MPPED1: variants seen among roughly 807,000 people sequenced by gnomAD.
The protein encoded by MPPED1 is metallophosphoesterase domain containing 1.
MPPED1 carries 16 observed loss-of-function variants against 36.2 expected under a neutral mutation model. That is an observed-to-expected ratio of 0.44 (90% confidence interval 0.30 to 0.67). The LOEUF (loss-of-function observed/expected upper bound fraction) is 0.67, where lower values mean the gene tolerates loss of function less well. MPPED1 is among the 30% of genes least tolerant of loss of function. The pLI, the probability that MPPED1 is intolerant of heterozygous loss-of-function variation, is 0.10. For missense variants in MPPED1, 307 were observed against 453.4 expected (o/e 0.68, Z 2.93); for synonymous variants, 199 against 191.3 (o/e 1.04, Z -0.33).
chr22:43,432,571 G>GGAGGAGAGAGAGAGAAAGA (rs1929756924), intron 2 of MPPED1, among the ~76,000 whole-genome samples: 1 of 99,616 alleles, frequency 1.0e-5, no homozygotes, highest in Admixed American at 9.9e-5. Context: ...AGAGAGAAAG[G>GGAGGAGAGAGAGAGAAAGA]GAGGAGAGAG....
chr22:43,477,302 C>A (rs1274927201), intron 4 of MPPED1, among the ~76,000 whole-genome samples: 1 of 152,228 alleles, frequency 6.6e-6, no homozygotes, highest in Non-Finnish European at 1.5e-5. Flanking sequence ...AGCTGGTGCT[C>A]CTCCTGTTCC....
At chr22:43,415,214 A>C (rs574204527) in intron 1 of MPPED1, among the ~76,000 whole-genome samples, 1 of 137,900 alleles carries the variant, frequency 7.3e-6, no homozygotes, top group African/African-American at 2.5e-5. Flanking sequence ...AGGTGACTAA[A>C]ATGTCAAAAG....
chr22:43,492,520 T>C (rs984813815), intron 4 of MPPED1, among the ~76,000 whole-genome samples: 4 of 152,160 alleles, frequency 2.6e-5, no homozygotes, highest in Non-Finnish European at 5.9e-5. Context: ...GGGCACTGCC[T>C]GTGGGTGGGG....
intron 1 of MPPED1, among the ~76,000 whole-genome samples, chr22:43,415,564 C>T (rs905183796): frequency 1.3e-5 from 2 of 152,136 alleles, no homozygotes; most frequent in African/African-American, 4.8e-5. Context: ...TGAGGTGTTC[C>T]GTGGCCTTTT....
At chr22:43,470,641 A>G (rs1601989512) in intron 3 of MPPED1, among the ~76,000 whole-genome samples, 2 of 152,166 alleles carry the variant, frequency 1.3e-5, no homozygotes, top group Non-Finnish European at 2.9e-5. Flanking sequence ...TGCAGAGTAC[A>G]CCTCAGGATA....
intron 2 of MPPED1, among the ~76,000 whole-genome samples, chr22:43,432,884 A>G (rs1179700585): frequency 3.2e-5 from 3 of 95,186 alleles, no homozygotes; most frequent in Admixed American, 1.2e-4. Flanking sequence ...AGAGGGAAAG[A>G]GAAAGGGAGG....
chr22:43,498,156 C>T (rs999750838), intron 4 of MPPED1, 79 bp from the exon 5 acceptor site: 1 of 1,162,802 alleles, frequency 8.6e-7, no homozygotes, highest in Non-Finnish European at 1.2e-6. Context: ...GCCCCCTGGC[C>T]CGTGGGGAGC....
At chr22:43,424,409 C>A (rs2061861771) in intron 1 of MPPED1, among the ~76,000 whole-genome samples, 1 of 152,128 alleles carries the variant, frequency 6.6e-6, no homozygotes, top group Non-Finnish European at 1.5e-5. Flanking sequence ...TCCACCTGCT[C>A]AGGCTTGCAG....
chr22:43,484,467 T>G (rs1001025888), intron 4 of MPPED1, among the ~76,000 whole-genome samples: 1 of 152,180 alleles, frequency 6.6e-6, no homozygotes, highest in Admixed American at 6.5e-5. Flanking sequence ...TGGCTTCCCC[T>G]GGGCCCAGCC....
At chr22:43,432,545 A>AGAAAGGGAGGAGAGAG (rs1929752705) in intron 2 of MPPED1, among the ~76,000 whole-genome samples, 26 of 57,396 alleles carry the variant, frequency 4.5e-4, no homozygotes, top group East Asian at 1.0e-3. Flanking sequence ...GGAGGAGAGA[A>AGAAAGGGAGGAGAGAG]AGAAAGGGAG....
chr22:43,478,259 T>C (rs1419916946), intron 4 of MPPED1, among the ~76,000 whole-genome samples: 1 of 152,140 alleles, frequency 6.6e-6, no homozygotes, highest in Non-Finnish European at 1.5e-5. Flanking sequence ...CATATGGGCC[T>C]TTTTGGCCCC....
chr22:43,464,542 C>T (rs185472263), intron 3 of MPPED1, among the ~76,000 whole-genome samples: 15 of 152,292 alleles, frequency 9.8e-5, no homozygotes, highest in African/African-American at 3.6e-4. Context: ...AAATGGGGCT[C>T]TCTGGAGTTT....
intron 1 of MPPED1, chr22:43,416,961 C>A (rs1287249816): frequency 2.0e-6 from 2 of 985,114 alleles, no homozygotes; most frequent in Non-Finnish European, 2.4e-6. Context: ...GCATTCATAG[C>A]TAAAATTAAA....
intron 4 of MPPED1, among the ~76,000 whole-genome samples, chr22:43,484,014 A>T (rs1931832781): frequency 6.6e-6 from 1 of 152,226 alleles, no homozygotes; most frequent in Admixed American, 6.5e-5. Context: ...TCCCCTCTTA[A>T]GTGGCCGAGG....
At chr22:43,423,696 C>T (rs905566794) in intron 1 of MPPED1, among the ~76,000 whole-genome samples, 1 of 152,200 alleles carries the variant, frequency 6.6e-6, no homozygotes, top group African/African-American at 2.4e-5. Flanking sequence ...AATTTGTTTT[C>T]TGACTGTGTC....
intron 3 of MPPED1, among the ~76,000 whole-genome samples, chr22:43,469,617 T>C (rs978011699): frequency 6.6e-6 from 1 of 152,294 alleles, no homozygotes; most frequent in Admixed American, 6.5e-5. Flanking sequence ...TTCTGTGTCC[T>C]CCATACCCAC....
intron 3 of MPPED1, among the ~76,000 whole-genome samples, chr22:43,441,452 C>T (rs1445338210): frequency 6.6e-6 from 1 of 152,200 alleles, no homozygotes; most frequent in Non-Finnish European, 1.5e-5. Flanking sequence ...GGGCGGAGAC[C>T]ATACCCTGGT....
chr22:43,487,907 G>T (rs958987173), intron 4 of MPPED1, among the ~76,000 whole-genome samples: 1 of 152,174 alleles, frequency 6.6e-6, no homozygotes, highest in Admixed American at 6.5e-5. Context: ...TGGGCAGGGC[G>T]GTGGGGCGGG....
chr22:43,506,948 G>A lies in MPPED1; in HGVS notation c.*1332G>A, dbSNP rs754045766. On this transcript the variant is annotated 3_prime_UTR_variant, in exon 7 of 7. Coordinates refer to ENST00000443721, the MANE Select transcript of MPPED1 (RefSeq NM_001044370.2). ...GGTGACTTTTTTTGCACCCCTTTCC[G>A]TTGTACATCTGAGAGAAGGGTGTCA... 3.9e-5 allele frequency: 6 copies of A among 152,030 alleles called. No individual in the cohort carries two copies. Among genetic ancestry groups the A allele is most frequent in the African/African-American group, 9.7e-5 (4 of 41,396 alleles). The allele number at this position is 152,030 out of a possible 1,614,324, so 9.4% of individuals were successfully genotyped here.
Sources: gnomAD v4.1 joint callset for allele counts (sites outside exome capture counted in the v4.1 genomes callset) on GRCh38, gnomAD v4.1.1 for gene constraint, MANE v1.5 for transcripts, NCBI Gene and HGNC (gene_info 2026-07-23, HGNC 2026-07-21) for gene names.